Variants in PCNP observed in about 807,000 individuals in gnomAD.
PCNP encodes PEST proteolytic signal-containing nuclear protein.
In PCNP, 6 loss-of-function variants were observed where a neutral mutation model predicts 21.8. The ratio of observed to expected loss-of-function variants is 0.28; its 90% CI spans 0.15 to 0.54. The LOEUF is 0.54. Among genes scored for constraint, PCNP ranks in the 20% least tolerant of loss-of-function variants. The probability of loss-of-function intolerance (pLI) is 0.95; values close to 1 mark genes in which losing one functional copy is unlikely to be tolerated. For synonymous variants in PCNP, 67 were observed against 73.2 expected, an observed-to-expected ratio of 0.92 and a Z score of 0.43; for missense variants, 161 against 215.5, an observed-to-expected ratio of 0.75 and a Z score of 1.58.
intron 2 of PCNP, 63 bp from the exon 3 acceptor site, chr3:101,585,374 C>A: frequency 2.1e-6 from 2 of 942,670 alleles, no homozygotes; most frequent in South Asian, 1.4e-5. Context: ...TTATTCATAT[C>A]ATTAAACAAG....
At chr3:101,580,231 C>G (rs1191405107) in intron 2 of PCNP, among the ~76,000 whole-genome samples, 1 of 152,082 alleles carries the variant, frequency 6.6e-6, no homozygotes, top group South Asian at 2.1e-4. Flanking sequence ...TTAGGAACAA[C>G]TATTATAGGG....
chr3:101,589,472 A>G (rs1935695897), intron 3 of PCNP, among the ~76,000 whole-genome samples: 1 of 150,082 alleles, frequency 6.7e-6, no homozygotes, highest in Non-Finnish European at 1.5e-5. Flanking sequence ...GTGCAGTGGC[A>G]CGATCTCGGC....
In PCNP at chr3:101,577,072, G is replaced by A. The variant is rs568153707; in HGVS notation, c.65-2718G>A. 137 of 680,218 alleles carry A rather than the reference G, an allele frequency of 2.0e-4. 1 individual carries two copies. In the East Asian group the frequency reaches 2.8e-3, roughly 14 times the overall value. 42.1% of individuals were successfully genotyped at this position (680,218 alleles called of 1,614,324 possible). A position where few individuals can be genotyped will look rare whatever the true frequency, so the allele number is the denominator to read the frequency against. On this transcript the variant is annotated intron_variant, in intron 1 of 4. Coordinates refer to ENST00000265260, the MANE Select transcript of PCNP (RefSeq NM_020357.3). ...AATCTCTTGACCTCGTGATCCGCCC[G>A]CCTCGGCCTCCCGAAGTGCTGGGAT... is the stretch of plus-strand genomic sequence containing the variant.
At chr3:101,582,761 G>A (rs76556614) in intron 2 of PCNP, among the ~76,000 whole-genome samples, 1 of 152,246 alleles carries the variant, frequency 6.6e-6, no homozygotes, top group African/African-American at 2.4e-5. Flanking sequence ...TACTGATGAA[G>A]TGATCTTTGA....
At chr3:101,591,231 A>C (rs1196414533) in intron 4 of PCNP, among the ~76,000 whole-genome samples, 2 of 152,212 alleles carry the variant, frequency 1.3e-5, no homozygotes, top group Middle Eastern at 3.2e-3. Flanking sequence ...TTAAGTTAAC[A>C]CGATGTGCAG....
At chr3:101,585,289 A>G (rs1935438274) in intron 2 of PCNP, 148 bp from the exon 3 acceptor site, 1 of 532,896 alleles carries the variant, frequency 1.9e-6, no homozygotes, top group Non-Finnish European at 3.3e-6. Context: ...AAAAGAGAGA[A>G]TGGATTTGTC....
chr3:101,585,544 T>C, intron 3 of PCNP, 33 bp downstream of exon 3: 1 of 1,402,284 alleles, frequency 7.1e-7, no homozygotes, highest in African/African-American at 1.4e-5. Context: ...TTTTTTACTT[T>C]AACCAGTTAT....
At position 101,592,896 on chromosome 3, in the gene PCNP, A is replaced by G. The variant is rs1487589744; in HGVS notation, c.*143A>G. ...TAAAAGATTGAGTGGTACACTAATA[A>G]ATGAGAGTTTGAAATTAGAGGTAAT... On this transcript the variant is annotated 3_prime_UTR_variant, in exon 5 of 5. Coordinates refer to ENST00000265260, the MANE Select transcript of PCNP (RefSeq NM_020357.3). The G allele has an allele frequency of 1.9e-6, 1 of 536,508 alleles. No homozygotes were observed. The highest frequency in any genetic ancestry group is 2.0e-5 in the African/African-American group (1 of 50,492). The allele number at this position is 536,508 out of a possible 1,614,324, so 33.2% of individuals were successfully genotyped here.
chr3:101,579,742 T>C (rs771685923), intron 1 of PCNP, 48 bp from the exon 2 acceptor site: 2 of 1,310,750 alleles, frequency 1.5e-6, no homozygotes, highest in East Asian at 2.3e-5. Flanking sequence ...CCCATCAATC[T>C]GCTCAGTAAA....
chr3:101,585,376 T>C, intron 2 of PCNP, 61 bp from the exon 3 acceptor site: 1 of 967,768 alleles, frequency 1.0e-6, no homozygotes, highest in Non-Finnish European at 1.6e-6. Context: ...ATTCATATCA[T>C]TAAACAAGCT....
In PCNP at chr3:101,580,019, C is replaced by T. The variant is rs1254652179; in HGVS notation, c.279+15C>T. 6.3e-7 allele frequency: 1 copy of T among 1,582,912 alleles called. No homozygotes were observed. Among genetic ancestry groups the T allele is most frequent in the East Asian group, 2.2e-5 (1 of 44,706 alleles). The stretch of plus-strand genomic sequence containing the variant: ...TTGGATCAAGTGTGAGTTGTTATTT[C>T]ATATATGATGTTTGTAATGGGTCTT... On this transcript the variant is annotated intron_variant, in intron 2 of 4. Coordinates refer to ENST00000265260, the MANE Select transcript of PCNP (RefSeq NM_020357.3).
intron 3 of PCNP, among the ~76,000 whole-genome samples, chr3:101,589,382 A>C: frequency 6.6e-6 from 1 of 150,596 alleles, no homozygotes; most frequent in Non-Finnish European, 1.5e-5. Context: ...AACACCTATA[A>C]GTATAGAAAA....
chr3:101,581,169 A>G (rs994090592), intron 2 of PCNP, among the ~76,000 whole-genome samples: 2 of 152,176 alleles, frequency 1.3e-5, no homozygotes, highest in African/African-American at 4.8e-5. Context: ...TGAACAAAAA[A>G]CATTGAGCTT....
upstream of PCNP, chr3:101,574,165 C>A: frequency 6.5e-7 from 1 of 1,535,552 alleles, no homozygotes; most frequent in Non-Finnish European, 8.8e-7. Flanking sequence ...GGTTGTTGGG[C>A]GGGGTCGTGA....
At chr3:101,574,562 C>G (rs572279296) in intron 1 of PCNP, among the ~76,000 whole-genome samples, 2 of 152,286 alleles carry the variant, frequency 1.3e-5, no homozygotes, top group South Asian at 4.1e-4. Context: ...AAAGGGAGAC[C>G]GAACTCGGGG....
chr3:101,576,557 C>CACGAAGGCCCCAGAAGTG (rs1343649525), intron 1 of PCNP: 2 of 1,610,822 alleles, frequency 1.2e-6, no homozygotes, highest in African/African-American at 2.7e-5. Flanking sequence ...TGGCCTCGGA[C>CACGAAGGCCCCAGAAGTG]ACGAAGGCCC....
chr3:101,590,567 C>T (rs1395384175), intron 4 of PCNP, among the ~76,000 whole-genome samples: 1 of 152,160 alleles, frequency 6.6e-6, no homozygotes, highest in Non-Finnish European at 1.5e-5. Flanking sequence ...TACTTCTTGA[C>T]AGGGTCTTAT....
Position 101,574,209 on chromosome 3 carries a change from G to C in PCNP, c.-7G>C. The C allele has an allele frequency of 6.5e-7, 1 of 1,549,464 alleles. No individual in the cohort carries two copies. The highest frequency in any genetic ancestry group is 8.7e-7 in the Non-Finnish European group (1 of 1,145,820). Reference sequence around the variant, plus strand: ...GCGTGGCTGCAGGGGAGGCCGCGGCGGGGAAAATGGCGGACGGGAAGGCGG... The same window carrying C: ...GCGTGGCTGCAGGGGAGGCCGCGGCCGGGAAAATGGCGGACGGGAAGGCGG... On this transcript the variant is annotated 5_prime_UTR_variant, in exon 1 of 5. Coordinates refer to ENST00000265260, the MANE Select transcript of PCNP (RefSeq NM_020357.3).
intron 1 of PCNP, among the ~76,000 whole-genome samples, 190 bp downstream of exon 1, chr3:101,574,469 G>A (rs747275905): frequency 2.0e-5 from 3 of 152,192 alleles, no homozygotes; most frequent in Admixed American, 6.5e-5. Context: ...TCGCCTCCTT[G>A]CCTGGGGAGA....
Sources: gnomAD v4.1 joint callset for allele counts (sites outside exome capture counted in the v4.1 genomes callset) on GRCh38, gnomAD v4.1.1 for gene constraint, MANE v1.5 for transcripts, NCBI Gene and HGNC (gene_info 2026-07-23, HGNC 2026-07-21) for gene names.